The following GNG2 variants were observed in gnomAD, a reference collection of about 807,000 sequenced individuals.
GNG2 encodes G protein subunit gamma 2.
A neutral mutation model predicts 5.5 loss-of-function variants in GNG2; 5 were observed. The ratio of observed to expected loss-of-function variants is 0.91; its 90% CI spans 0.48 to 1.92. GNG2 has a LOEUF of 1.92. GNG2 is among the 30% of genes most tolerant of loss of function. The pLI, the probability that GNG2 is intolerant of heterozygous loss-of-function variation, is 0.01. For synonymous variants in GNG2, 28 were observed against 32.0 expected, an observed-to-expected ratio of 0.88 and a Z score of 0.42; for missense variants, 55 against 88.4, an observed-to-expected ratio of 0.62 and a Z score of 1.52.
rs1053444879 is a variant in GNG2 at position 51,850,564 on chromosome 14, C to T, written c.64+22757C>T. On this transcript the variant is annotated intron_variant, in intron 2 of 3. Transcript: ENST00000553432. ...AACATTTCTTCTGGGCACTGGGGAA[C>T]ATGTAGAGTCCATTGTATTAGGCTG... Among the ~76,000 whole-genome samples, 5 of 152,152 alleles carry T rather than the reference C, an allele frequency of 3.3e-5. No homozygotes were observed. In the East Asian group the frequency reaches 9.6e-4, roughly 29 times the overall value.
intron 2 of GNG2, among the ~76,000 whole-genome samples, chr14:51,908,078 G>A (rs926300056): frequency 1.3e-5 from 2 of 152,134 alleles, no homozygotes; most frequent in Non-Finnish European, 1.5e-5. Flanking sequence ...TGGCTCAGGC[G>A]CCCTCACAAA....
intron 2 of GNG2, among the ~76,000 whole-genome samples, chr14:51,889,328 G>T (rs895939321): frequency 7.2e-5 from 11 of 152,004 alleles, no homozygotes; most frequent in East Asian, 1.9e-4. Flanking sequence ...GGCCAGGATG[G>T]TCACAAACTC....
chr14:51,844,751 A>G (rs1881577151), intron 2 of GNG2, among the ~76,000 whole-genome samples: 1 of 151,524 alleles, frequency 6.6e-6, no homozygotes, highest in African/African-American at 2.4e-5. Flanking sequence ...TTTGAGGCAG[A>G]GTCTCACACT....
At chr14:51,946,141 T>A (rs901970891) in intron 2 of GNG2, among the ~76,000 whole-genome samples, 1 of 152,136 alleles carries the variant, frequency 6.6e-6, no homozygotes, top group African/African-American at 2.4e-5. Flanking sequence ...ACCCTCAAAT[T>A]CTGCAGAAGT....
chr14:51,859,523 C>G (rs1281706248), upstream of GNG2, among the ~76,000 whole-genome samples: 1 of 152,208 alleles, frequency 6.6e-6, no homozygotes, highest in Non-Finnish European at 1.5e-5. Flanking sequence ...CGAATACGTC[C>G]TATATCCCCA....
intron 2 of GNG2, chr14:51,939,699 C>G (rs1888204964): frequency 6.6e-6 from 1 of 152,142 alleles, no homozygotes; most frequent in African/African-American, 2.4e-5. Context: ...TATTTTCTTC[C>G]TTCTTGACCC....
At chr14:51,914,735 A>T (rs1886508918) in intron 2 of GNG2, among the ~76,000 whole-genome samples, 1 of 152,250 alleles carries the variant, frequency 6.6e-6, no homozygotes. Context: ...ATGGGCTATT[A>T]GCTTCATCAG....
chr14:51,863,908 T>A (rs1459712697), intron 1 of GNG2, among the ~76,000 whole-genome samples: 1 of 152,238 alleles, frequency 6.6e-6, no homozygotes, highest in East Asian at 1.9e-4. Context: ...GACTATACTT[T>A]GTTTATTCTC....
chr14:51,858,823 T>A (rs188291442), upstream of GNG2, among the ~76,000 whole-genome samples: 1 of 152,320 alleles, frequency 6.6e-6, no homozygotes, highest in African/African-American at 2.4e-5. Context: ...GGATCAAAGC[T>A]AGTTGCTCAT....
At chr14:51,840,665 G>T (rs1421029193) in intron 2 of GNG2, among the ~76,000 whole-genome samples, 1 of 152,192 alleles carries the variant, frequency 6.6e-6, no homozygotes, top group Non-Finnish European at 1.5e-5. Flanking sequence ...TTTGGACTCA[G>T]TGAATGGATA....
intron 2 of GNG2, among the ~76,000 whole-genome samples, chr14:51,846,573 G>A (rs754270861): frequency 1.3e-5 from 2 of 152,122 alleles, no homozygotes; most frequent in African/African-American, 2.4e-5. Flanking sequence ...ATGTGTGTGC[G>A]ACCTGTTTTT....
upstream of GNG2, among the ~76,000 whole-genome samples, chr14:51,858,066 C>T (rs1007458642): frequency 3.9e-5 from 6 of 152,138 alleles, no homozygotes; most frequent in African/African-American, 1.4e-4. Context: ...CTTTGTTTTA[C>T]CCAGTGATAA....
chr14:51,950,458 A>C (rs572565105), intron 2 of GNG2, among the ~76,000 whole-genome samples, 192 bp from the exon 3 acceptor site: 2 of 152,214 alleles, frequency 1.3e-5, no homozygotes, highest in South Asian at 4.1e-4. Context: ...GGAAGTAGGG[A>C]GAATTGGAAA....
intron 3 of GNG2, among the ~76,000 whole-genome samples, 182 bp downstream of exon 3, chr14:51,950,947 C>A (rs1055645554): frequency 2.0e-5 from 3 of 152,088 alleles, no homozygotes; most frequent in Admixed American, 6.5e-5. Context: ...TGAATTAGAT[C>A]CTCTTTCCCA....
intron 2 of GNG2, among the ~76,000 whole-genome samples, chr14:51,899,612 C>A (rs12101277): frequency 0.16 from 24,067 of 152,046 alleles, 3,113 homozygotes; most frequent in African/African-American, 0.35. Context: ...CCATCTCTAT[C>A]AAAAAATTTT....
intron 2 of GNG2, among the ~76,000 whole-genome samples, chr14:51,918,059 T>C (rs1424667084): frequency 7.1e-6 from 1 of 141,092 alleles, no homozygotes; most frequent in Non-Finnish European, 1.5e-5. Context: ...AAAAAACTGA[T>C]AAAGAAGCCT....
intron 2 of GNG2, among the ~76,000 whole-genome samples, chr14:51,828,294 G>C (rs903557255): frequency 6.6e-6 from 1 of 152,190 alleles, no homozygotes; most frequent in African/African-American, 2.4e-5. Context: ...TCACACAGTA[G>C]GGAAGTTTTC....
chr14:51,906,946 G>C (rs1291070136), intron 2 of GNG2, among the ~76,000 whole-genome samples: 1 of 151,924 alleles, frequency 6.6e-6, no homozygotes, highest in African/African-American at 2.4e-5. Context: ...TAGTAGAGAC[G>C]GGGTTTCACC....
intron 2 of GNG2, among the ~76,000 whole-genome samples, chr14:51,849,165 C>T (rs753535182): frequency 2.6e-5 from 4 of 152,068 alleles, no homozygotes; most frequent in African/African-American, 4.8e-5. Context: ...CAAGGTGGCT[C>T]GCTTACATGG....
Sources: gnomAD v4.1 joint callset for allele counts (sites outside exome capture counted in the v4.1 genomes callset) on GRCh38, gnomAD v4.1.1 for gene constraint, MANE v1.5 for transcripts, NCBI Gene and HGNC (gene_info 2026-07-23, HGNC 2026-07-21) for gene names.